GPRC5B: variants seen among roughly 807,000 people sequenced by gnomAD.
GPRC5B encodes the protein G protein-coupled receptor family C group 5 member B.
In GPRC5B, 16 loss-of-function variants were observed where a neutral mutation model predicts 30.1. The observed-to-expected ratio is 0.53, with a 90% CI of 0.36 to 0.81. GPRC5B has a LOEUF of 0.81. Ranked by LOEUF, GPRC5B falls within the 30% of genes least tolerant of loss-of-function variation. GPRC5B has a pLI of 0.01. For missense variants in GPRC5B, 428 were observed against 544.7 expected, an observed-to-expected ratio of 0.79 and a Z score of 2.13; for synonymous variants, 241 against 239.5, an observed-to-expected ratio of 1.01 and a Z score of -0.06.
chr16:19,870,978 A>G (rs979045824), intron 2 of GPRC5B, among the ~76,000 whole-genome samples: 8 of 58,992 alleles, frequency 1.4e-4, no homozygotes, highest in Middle Eastern at 7.2e-3. Context: ...TTGGTAGGGA[A>G]AAAAAAAAAG....
intron 1 of GPRC5B, chr16:19,880,885 G>GTGTCCCCTCGACCCCAGCCA (rs370592880): frequency 5.3e-5 from 8 of 151,916 alleles, no homozygotes; most frequent in Admixed American, 2.6e-4. Flanking sequence ...GCTCCACCCT[G>GTGTCCCCTCGACCCCAGCCA]TGTCCCCTCG....
At chr16:19,885,495 C>A (rs1425929369), upstream of GPRC5B, 2 of 1,134,644 alleles carry the variant, frequency 1.8e-6, no homozygotes, top group Non-Finnish European at 2.2e-6. This position sits in a 1 kb window ranked among gnomAD's most constrained non-coding sequence, Gnocchi z 5.3. Context: ...ACACTGGGAC[C>A]AACACCCGCT....
intron 1 of GPRC5B, chr16:19,882,059 T>G (rs1190330036): frequency 1.3e-5 from 2 of 152,290 alleles, no homozygotes; most frequent in Admixed American, 6.5e-5. Flanking sequence ...GTCCATTTCC[T>G]GCTCTGCAGG....
chr16:19,870,287 C>T (rs1314276549), intron 2 of GPRC5B, among the ~76,000 whole-genome samples: 2 of 152,184 alleles, frequency 1.3e-5, no homozygotes, highest in African/African-American at 4.8e-5. Flanking sequence ...CTCATTCTCC[C>T]TGTCCTCTCC....
intron 1 of GPRC5B, chr16:19,874,857 C>T (rs1351527271): frequency 1.0e-5 from 1 of 99,642 alleles, no homozygotes; most frequent in Non-Finnish European, 2.0e-5. Context: ...CCAGCTCCTT[C>T]CCTTTTTTTT....
At chr16:19,862,635 G>A (rs2056636233) in intron 2 of GPRC5B, among the ~76,000 whole-genome samples, 1 of 152,174 alleles carries the variant, frequency 6.6e-6, no homozygotes, top group Non-Finnish European at 1.5e-5. Context: ...GTAGAAGCCG[G>A]GCGCAGTGGC....
At chr16:19,884,919 G>GC (rs1423932085), upstream of GPRC5B, 118 of 909,702 alleles carry the variant, frequency 1.3e-4, no homozygotes, top group Admixed American at 4.5e-4. Flanking sequence ...CCGCGGCCCC[G>GC]CCCCCGCCCC....
At chr16:19,884,876 C>G (rs921711461), upstream of GPRC5B, 13 of 980,902 alleles carry the variant, frequency 1.3e-5, no homozygotes, top group East Asian at 1.2e-3. Context: ...CCGCGCGAGG[C>G]GCCCCCTGGC....
At chr16:19,868,074 A>G (rs909217099) in intron 2 of GPRC5B, among the ~76,000 whole-genome samples, 2 of 151,342 alleles carry the variant, frequency 1.3e-5, no homozygotes, top group Non-Finnish European at 2.9e-5. Context: ...CTAGAAAAAC[A>G]AAACAAAACG....
upstream of GPRC5B, chr16:19,885,634 C>G (rs368877861): frequency 6.8e-5 from 68 of 1,002,584 alleles, 1 homozygote; most frequent in Non-Finnish European, 7.9e-5. This position sits in a 1 kb window ranked among gnomAD's most constrained non-coding sequence, Gnocchi z 5.3. Context: ...TCAGGGCTCA[C>G]ACACTCAGCG....
At chr16:19,860,597 A>G (rs1284244591) in intron 3 of GPRC5B, 53 bp from the exon 4 acceptor site, 3 of 1,169,586 alleles carry the variant, frequency 2.6e-6, no homozygotes, top group Non-Finnish European at 2.6e-6. Context: ...TTGCAAAGTC[A>G]ACACTAGAAA....
chr16:19,884,232 G>A (rs2056832804), intron 1 of GPRC5B, among the ~76,000 whole-genome samples: 1 of 147,064 alleles, frequency 6.8e-6, no homozygotes, highest in South Asian at 2.2e-4. Context: ...CTGCGGGCTT[G>A]ACCCCCAGCC....
rs559029827 is a variant in GPRC5B at position 19,879,433 on chromosome 16, A to C, written c.-2+5294T>G. ...TCTCTCTCACACACACACACACACC[A>C]CACACACAGACACACACACACGCGC... is the stretch of plus-strand genomic sequence containing the variant. On this transcript the variant is annotated intron_variant, in intron 1 of 3. Coordinates refer to ENST00000300571, the MANE Select transcript of GPRC5B (RefSeq NM_016235.3). Among the ~76,000 whole-genome samples the C allele has an allele frequency of 2.7e-5, 4 of 150,804 alleles. No individual in the cohort carries two copies. The East Asian group carries it at 7.7e-4, about 29-fold the overall frequency.
In GPRC5B at chr16:19,872,957, C is replaced by T. The variant is rs947848570; in HGVS notation, c.-1-111G>A. On this transcript the variant is annotated intron_variant, in intron 1 of 3. Transcript: ENST00000300571. This position sits in a 1 kb window ranked among gnomAD's most constrained non-coding sequence, Gnocchi z 5.0. ...ACTCGCCTCATTTCAAACCTGCAAG[C>T]GCACACGGCACCTTTGCACACATAG... 4.1e-5 allele frequency: 31 copies of T among 763,474 alleles called. No homozygotes were observed. The highest frequency in any genetic ancestry group is 3.5e-4 in the African/African-American group (20 of 57,458). 47.3% of individuals were successfully genotyped at this position (763,474 alleles called of 1,614,324 possible).
chr16:19,858,694 AG>A lies in GPRC5B; in HGVS notation c.*1805del. 2.4e-6 allele frequency: 1 copy of A among 424,948 alleles called. No individual in the cohort carries two copies. The highest frequency in any genetic ancestry group is 4.1e-6 in the Non-Finnish European group (1 of 246,298). 26.3% of individuals were successfully genotyped at this position (424,948 alleles called of 1,614,324 possible). A position where few individuals can be genotyped will look rare whatever the true frequency, so the allele number is the denominator to read the frequency against. On this transcript the variant is annotated 3_prime_UTR_variant, in exon 4 of 4. Coordinates refer to ENST00000300571, the MANE Select transcript of GPRC5B (RefSeq NM_016235.3). ...GCTTCATTCCCTCCCACCCCTCCCC[AG>A]GACTCTTACGTTTTCTGTCCACGCA...
chr16:19,881,507 C>T (rs191856794), intron 1 of GPRC5B, among the ~76,000 whole-genome samples: 6 of 152,294 alleles, frequency 3.9e-5, no homozygotes, highest in Non-Finnish European at 7.4e-5. Flanking sequence ...CATGGCCAGG[C>T]GCGGTGGCTC....
chr16:19,885,609 C>T (rs1464275681), upstream of GPRC5B: 2 of 1,028,848 alleles, frequency 1.9e-6, no homozygotes, highest in Non-Finnish European at 2.3e-6. The surrounding 1 kb of genome is among the most constrained non-coding windows in gnomAD (Gnocchi z 5.3). Context: ...CACGTACGCA[C>T]ATGTCCACTG....
intron 3 of GPRC5B, 24 bp from the exon 4 acceptor site, chr16:19,860,568 A>G (rs765254302): frequency 2.6e-6 from 4 of 1,526,570 alleles, no homozygotes; most frequent in South Asian, 1.1e-5. Flanking sequence ...TAAGGATAAC[A>G]CACTGAGAAC....
chr16:19,883,748 G>T (rs1020593080), intron 1 of GPRC5B, among the ~76,000 whole-genome samples: 2 of 152,318 alleles, frequency 1.3e-5, no homozygotes, highest in East Asian at 3.9e-4. Flanking sequence ...CTTAGCGAAC[G>T]GGGGACGGAA....
Sources: allele counts gnomAD v4.1 joint callset (sites outside exome capture counted in the v4.1 genomes callset), GRCh38; gene constraint gnomAD v4.1.1; non-coding constraint Gnocchi (gnomAD v3.1); transcripts MANE v1.5; gene names NCBI Gene and HGNC (gene_info 2026-07-23, HGNC 2026-07-21).